The following TPTE2 variants were observed in gnomAD, a reference collection of about 807,000 sequenced individuals.
TPTE2 encodes transmembrane phosphoinositide 3-phosphatase and tensin homolog 2.
Under a neutral mutation model 78.6 loss-of-function variants are expected in TPTE2, and 53 were observed. The observed-to-expected ratio is 0.67, with a 90% CI of 0.54 to 0.85. TPTE2 has a LOEUF of 0.85. Ranked by LOEUF, TPTE2 falls within the 40% of genes least tolerant of loss-of-function variation. The pLI is 0.00. For synonymous variants in TPTE2, 175 were observed against 206.2 expected (o/e 0.85, Z 1.30); for missense variants, 461 against 623.0 (o/e 0.74, Z 2.77).
intron 18 of TPTE2, among the ~76,000 whole-genome samples, chr13:19,425,410 T>G (rs990000994): frequency 1.3e-5 from 2 of 152,220 alleles, no homozygotes; most frequent in Non-Finnish European, 2.9e-5. Flanking sequence ...TTATAAATTG[T>G]ATTTTCTGAT....
chr13:19,519,701 T>C (rs1376582229), intron 1 of TPTE2, among the ~76,000 whole-genome samples: 1 of 152,206 alleles, frequency 6.6e-6, no homozygotes, highest in East Asian at 1.9e-4. Context: ...AGTTTTGAAA[T>C]AATAAAGTGT....
chr13:19,446,709 G>A (rs2137520542), intron 13 of TPTE2, among the ~76,000 whole-genome samples: 1 of 152,300 alleles, frequency 6.6e-6, no homozygotes, highest in East Asian at 1.9e-4. Flanking sequence ...GGGAAGCTGA[G>A]GTGGGTGGAT....
chr13:19,450,355 T>C lies in TPTE2; in HGVS notation c.803-11A>G. The stretch of plus-strand genomic sequence containing the variant: ...CATAAGCTCTTTCACCTAAAATAAA[T>C]AATATGTATGTCATATCTCTATAGG... On this transcript the variant is annotated splice_polypyrimidine_tract_variant and intron_variant, in intron 11 of 19. Transcript: ENST00000400230. 1 of 1,603,330 alleles carries C rather than the reference T, an allele frequency of 6.2e-7. No homozygotes were observed. Among genetic ancestry groups the C allele is most frequent in the Non-Finnish European group, 8.5e-7 (1 of 1,172,802 alleles).
intron 2 of TPTE2, 143 bp from the exon 6 acceptor site, chr13:19,493,046 G>T: frequency 8.8e-7 from 1 of 1,130,586 alleles, no homozygotes; most frequent in Non-Finnish European, 1.3e-6. Context: ...TGCTTAGTAG[G>T]AACTAAGGGT....
At chr13:19,485,742 C>T (rs112765165) in intron 3 of TPTE2, among the ~76,000 whole-genome samples, 7 of 151,218 alleles carry the variant, frequency 4.6e-5, no homozygotes, top group Admixed American at 1.3e-4. Context: ...TTTTTGCCTG[C>T]CTGTGTTATT....
chr13:19,561,125 T>A, the TPTE2 span: 1 of 1,604,658 alleles, frequency 6.2e-7, no homozygotes, highest in Non-Finnish European at 8.5e-7. Flanking sequence ...TGGGAGGCAG[T>A]GGGTGGGAGC....
chr13:19,434,989 G>A (rs1340583991), intron 15 of TPTE2, among the ~76,000 whole-genome samples: 1 of 152,206 alleles, frequency 6.6e-6, no homozygotes, highest in Non-Finnish European at 1.5e-5. Context: ...AATATTAAAT[G>A]AGATAGTGAA....
At chr13:19,560,903 T>C in the TPTE2 span, 1 of 1,585,544 alleles carries the variant, frequency 6.3e-7, no homozygotes, top group Non-Finnish European at 8.6e-7. Context: ...CTCACACTCG[T>C]TGGAGGCCAG....
chr13:19,458,779 C>T (rs1252032621), intron 10 of TPTE2: 1 of 390,164 alleles, frequency 2.6e-6, no homozygotes, highest in African/African-American at 2.1e-5. Context: ...CCAGACATCC[C>T]ACTCTATGTA....
chr13:19,539,979 T>C (rs1871392805), upstream of TPTE2, among the ~76,000 whole-genome samples: 1 of 152,064 alleles, frequency 6.6e-6, no homozygotes, highest in Non-Finnish European at 1.5e-5. Context: ...ACCCTACCTC[T>C]ACTAAAAGTG....
At chr13:19,546,820 C>A in the TPTE2 span, among the ~76,000 whole-genome samples, 1 of 151,292 alleles carries the variant, frequency 6.6e-6, no homozygotes, top group Non-Finnish European at 1.5e-5. Flanking sequence ...AAAAATATGG[C>A]ATCAGAAACA....
intron 3 of TPTE2, among the ~76,000 whole-genome samples, chr13:19,487,659 G>A (rs1870303481): frequency 1.3e-5 from 2 of 152,120 alleles, no homozygotes; most frequent in African/African-American, 4.8e-5. Flanking sequence ...CCACACAGCT[G>A]GGATTGTGGC....
Position 19,493,447 on chromosome 13 carries a change from C to G in TPTE2, c.65+1G>C. ...ACTTTATTTAACTATTTATTACTTA[C>G]CTTTCTTTCGCAGGTGCCTCCTCGG... On this transcript the variant is annotated splice_donor_variant, in intron 2 of 19. Transcript: ENST00000400230. LOFTEE classifies it high-confidence loss of function. 1.2e-6 allele frequency: 2 copies of G among 1,613,748 alleles called. No homozygotes were observed. Among genetic ancestry groups the G allele is most frequent in the Non-Finnish European group, 1.7e-6 (2 of 1,179,798 alleles).
At chr13:19,524,310 T>C (rs985277056) in intron 1 of TPTE2, among the ~76,000 whole-genome samples, 4 of 152,206 alleles carry the variant, frequency 2.6e-5, no homozygotes, top group Non-Finnish European at 2.9e-5. Flanking sequence ...TCCCTAATGT[T>C]TTCTAACCAG....
chr13:19,493,830 T>C (rs1881152850), intron 1 of TPTE2, among the ~76,000 whole-genome samples: 2 of 152,190 alleles, frequency 1.3e-5, no homozygotes, highest in South Asian at 4.1e-4. Flanking sequence ...AGCCCTCTTA[T>C]TCCATTCAAT....
In TPTE2 at chr13:19,430,568, TAA is replaced by T. The variant is rs554054802; in HGVS notation, c.1223-23_1223-22del. On this transcript the variant is annotated intron_variant, in intron 16 of 19. Coordinates refer to ENST00000400230, the Ensembl canonical transcript of TPTE2. ...ATCACCTGTTCCAACAAAATGAAAT[TAA>T]AAAGTTAGGTTGGTTAGCATGAAGA... 3,063 of 1,583,518 alleles carry T rather than the reference TAA, an allele frequency of 1.9e-3. 5 individuals are homozygous for T. Among genetic ancestry groups the T allele is most frequent in the Middle Eastern group, 9.5e-3 (57 of 5,974 alleles).
chr13:19,461,365 G>GCA (rs1191983308), intron 10 of TPTE2, among the ~76,000 whole-genome samples: 1 of 151,876 alleles, frequency 6.6e-6, no homozygotes, highest in Non-Finnish European at 1.5e-5. Context: ...CATACAATGT[G>GCA]TAATGATCAA....
chr13:19,460,935 G>C (rs1878849580), intron 10 of TPTE2, among the ~76,000 whole-genome samples: 1 of 152,098 alleles, frequency 6.6e-6, no homozygotes. Context: ...TACACATTTT[G>C]GGTTATAGCA....
At chr13:19,490,767 A>G (rs1436382052) in intron 3 of TPTE2, among the ~76,000 whole-genome samples, 1 of 152,226 alleles carries the variant, frequency 6.6e-6, no homozygotes, top group Non-Finnish European at 1.5e-5. Context: ...GTGGTAACAG[A>G]CGAAGAGACC....
Sources: gnomAD v4.1 joint callset for allele counts (sites outside exome capture counted in the v4.1 genomes callset) on GRCh38, gnomAD v4.1.1 for gene constraint, MANE v1.5 for transcripts, NCBI Gene and HGNC (gene_info 2026-07-23, HGNC 2026-07-21) for gene names.